Variants in LMO7 observed in about 807,000 individuals in gnomAD.
The protein encoded by LMO7 is LIM domain only protein 7.
In LMO7, 120 loss-of-function variants were observed where a neutral mutation model predicts 206.5. That is an observed-to-expected ratio of 0.58 (90% CI 0.50 to 0.68). The LOEUF is 0.68. Ranked by LOEUF, LMO7 falls within the 30% of genes least tolerant of loss-of-function variation. The pLI is 0.00. For synonymous variants in LMO7, 706 were observed against 681.5 expected, an observed-to-expected ratio of 1.04 and a Z score of -0.56; for missense variants, 1,959 against 1,957.9, an observed-to-expected ratio of 1.00 and a Z score of -0.01.
At chr13:75,750,987 T>C (rs985572478) in intron 3 of LMO7, among the ~76,000 whole-genome samples, 2 of 152,140 alleles carry the variant, frequency 1.3e-5, no homozygotes. Context: ...ATCTCTTGAT[T>C]GCTGGCACAT....
At chr13:75,644,094 C>T (rs1258515019) in intron 1 of LMO7, among the ~76,000 whole-genome samples, 1 of 152,024 alleles carries the variant, frequency 6.6e-6, no homozygotes, top group African/African-American at 2.4e-5. Context: ...CAGTGCCCTA[C>T]ACTACATGAG....
intron 3 of LMO7, among the ~76,000 whole-genome samples, chr13:75,733,056 A>G (rs648632): frequency 0.51 from 77,027 of 152,002 alleles, 20,978 homozygotes; most frequent in African/African-American, 0.71. Context: ...TCCCAGTTAG[A>G]CTGCTCGGGG....
intron 23 of LMO7, 81 bp from the exon 24 acceptor site, chr13:75,841,547 A>G (rs2059557457): frequency 3.8e-6 from 4 of 1,048,948 alleles, no homozygotes; most frequent in Admixed American, 4.9e-5. Context: ...AGTAGCATCT[A>G]AAACTGAATA....
intron 14 of LMO7, among the ~76,000 whole-genome samples, chr13:75,821,944 A>G (rs1000603812): frequency 7.9e-5 from 12 of 152,124 alleles, no homozygotes; most frequent in Admixed American, 6.5e-4. Flanking sequence ...AGTTGTCAGT[A>G]TGATTGTTCT....
chr13:75,726,161 G>C (rs550232477), intron 2 of LMO7, among the ~76,000 whole-genome samples: 2 of 152,074 alleles, frequency 1.3e-5, no homozygotes, highest in South Asian at 4.2e-4. Flanking sequence ...TTCTCTGACA[G>C]TGATTAATGA....
Position 75,805,728 on chromosome 13 carries a change from T to C in LMO7, c.1164T>C (p.Tyr388=), listed in dbSNP as rs371068631. The C allele has an allele frequency of 5.6e-6, 9 of 1,613,852 alleles. No homozygotes were observed. The highest frequency in any genetic ancestry group is 6.8e-6 in the Non-Finnish European group (8 of 1,179,870). ...GGAAAAGAATAAAAAGGGAAACTTATAAGCCATGGTATAAAGAATTTCAGG... is the reference window on the plus strand; with the variant it reads ...GGAAAAGAATAAAAAGGGAAACTTACAAGCCATGGTATAAAGAATTTCAGG... The part of the protein sequence containing the change: ...VNWKRIKRET[Y]KPWYKEFQGF... Residue 388 remains tyrosine, a synonymous_variant, in exon 9 of 31, where the codon TAT becomes TAC. Coordinates refer to ENST00000377534, the MANE Select transcript of LMO7 (RefSeq NM_001306080.2).
intron 1 of LMO7, among the ~76,000 whole-genome samples, chr13:75,675,595 A>T (rs1159489529): frequency 1.3e-5 from 2 of 152,134 alleles, no homozygotes; most frequent in African/African-American, 4.8e-5. Context: ...CTCTTTAGGA[A>T]GCTGCTCTCT....
chr13:75,728,956 C>G (rs9565193), intron 3 of LMO7, among the ~76,000 whole-genome samples: 74,863 of 149,772 alleles, frequency 0.5, 20,061 homozygotes, highest in African/African-American at 0.7. Context: ...CATTATTTCT[C>G]AGGGCTCTGT....
chr13:75,698,870 T>C (rs778745061), intron 1 of LMO7, among the ~76,000 whole-genome samples: 1 of 152,194 alleles, frequency 6.6e-6, no homozygotes, highest in Non-Finnish European at 1.5e-5. Flanking sequence ...TATAATTCAG[T>C]GGCTTTTAAT....
At chr13:75,645,323 T>C (rs2036913505) in intron 1 of LMO7, among the ~76,000 whole-genome samples, 1 of 152,196 alleles carries the variant, frequency 6.6e-6, no homozygotes, top group South Asian at 2.1e-4. Flanking sequence ...TTGATCTAGA[T>C]GTGTGAACAG....
chr13:75,634,898 C>A (rs1453282700), upstream of LMO7, among the ~76,000 whole-genome samples: 2 of 151,824 alleles, frequency 1.3e-5, no homozygotes, highest in Non-Finnish European at 2.9e-5. Flanking sequence ...CCCAGCTGCT[C>A]GAGAGGCTAA....
chr13:75,703,023 T>C (rs1035748807), intron 1 of LMO7, among the ~76,000 whole-genome samples: 4 of 152,334 alleles, frequency 2.6e-5, no homozygotes, highest in Admixed American at 2.0e-4. Context: ...TGTACTCTTG[T>C]ATGTTTTTAT....
intron 19 of LMO7, among the ~76,000 whole-genome samples, chr13:75,837,250 TAGAC>T (rs1456842962): frequency 1.3e-5 from 2 of 152,254 alleles, no homozygotes; most frequent in African/African-American, 2.4e-5. Flanking sequence ...TCATTTCTGA[TAGAC>T]AGAAGTGACT....
intron 3 of LMO7, among the ~76,000 whole-genome samples, chr13:75,756,537 G>T (rs1388328921): frequency 6.6e-6 from 1 of 152,122 alleles, no homozygotes; most frequent in Non-Finnish European, 1.5e-5. Flanking sequence ...GTATTACCTG[G>T]CCTTGAGTCT....
intron 3 of LMO7, among the ~76,000 whole-genome samples, chr13:75,756,876 T>G (rs1201633555): frequency 6.6e-6 from 1 of 152,158 alleles, no homozygotes; most frequent in Non-Finnish European, 1.5e-5. Context: ...GGGGCCTTAT[T>G]AGGGAGTAAG....
At chr13:75,694,989 T>C (rs2041797533) in intron 1 of LMO7, among the ~76,000 whole-genome samples, 2 of 152,094 alleles carry the variant, frequency 1.3e-5, no homozygotes, top group South Asian at 4.1e-4. Context: ...GCCTCCGGAT[T>C]AACCCGGGCC....
intron 1 of LMO7, among the ~76,000 whole-genome samples, chr13:75,652,316 AC>A (rs2037654896): frequency 6.6e-6 from 1 of 151,888 alleles, no homozygotes. Context: ...ACCTTTCCCT[AC>A]CCATAGGACC....
In LMO7 at chr13:75,821,509, G is replaced by A; in HGVS notation, c.2540G>A (p.Ser847Asn). 1 of 1,614,118 alleles carries A rather than the reference G, an allele frequency of 6.2e-7. No individual in the cohort carries two copies. Among genetic ancestry groups the A allele is most frequent in the Non-Finnish European group, 8.5e-7 (1 of 1,179,988 alleles). The stretch of plus-strand genomic sequence containing the variant: ...CGTGTTTCAGCTTCTCTCCCCAGAA[G>A]TTACCGGAAAACTGATACAGTCAGG... ...STRVSASLPR[S>N]YRKTDTVRLT... Residue 847 changes from serine to asparagine, a missense_variant, in exon 14 of 31, where the codon AGT becomes AAT. Transcript: ENST00000377534.
At chr13:75,650,201 C>T (rs2037420427) in intron 1 of LMO7, among the ~76,000 whole-genome samples, 1 of 152,008 alleles carries the variant, frequency 6.6e-6, no homozygotes, top group African/African-American at 2.4e-5. Flanking sequence ...GTGAGCTAGG[C>T]TCACTGCAAC....
Sources: gnomAD v4.1 joint callset for allele counts (sites outside exome capture counted in the v4.1 genomes callset) on GRCh38, gnomAD v4.1.1 for gene constraint, MANE v1.5 for transcripts, NCBI Gene and HGNC (gene_info 2026-07-23, HGNC 2026-07-21) for gene names.